SLC39A11: variants seen among roughly 807,000 people sequenced by gnomAD.
SLC39A11 encodes the protein solute carrier family 39 member 11, also known as zinc transporter ZIP11.
A neutral mutation model predicts 36.1 loss-of-function variants in SLC39A11; 33 were observed. The ratio of observed to expected loss-of-function variants is 0.91; its 90% CI spans 0.69 to 1.22. The LOEUF is 1.22. Among genes scored for constraint, SLC39A11 ranks in the 50% most tolerant of loss-of-function variants. SLC39A11 has a pLI of 0.00. For synonymous variants in SLC39A11, 166 were observed against 170.3 expected (o/e 0.97, Z 0.20); for missense variants, 432 against 430.3 (o/e 1.00, Z -0.03).
In SLC39A11 at chr17:72,679,433, C is replaced by T. The variant is rs374630679; in HGVS notation, c.672-30165G>A. ...AAATAAAAGAATAGTGCTTGAATCC[C>T]TGTCCTCTGGCTGCTCAGAGTCTGA... is the stretch of plus-strand genomic sequence containing the variant. On this transcript the variant is annotated intron_variant, in intron 7 of 9. Transcript: ENST00000255559. Among the ~76,000 whole-genome samples, 177 of 152,318 alleles carry T rather than the reference C, an allele frequency of 1.2e-3. 1 individual carries two copies. Among genetic ancestry groups the T allele is most frequent in the African/African-American group, 3.9e-3 (163 of 41,570 alleles).
At chr17:73,090,824 C>G (rs772842227) in intron 1 of SLC39A11, among the ~76,000 whole-genome samples, 1 of 152,098 alleles carries the variant, frequency 6.6e-6, no homozygotes, top group African/African-American at 2.4e-5. Flanking sequence ...ATCTGAGCAC[C>G]CTCCTGAGTA....
chr17:72,829,012 AAC>A (rs2078152682), intron 6 of SLC39A11, among the ~76,000 whole-genome samples: 1 of 152,178 alleles, frequency 6.6e-6, no homozygotes. Context: ...TAGGTTTGGT[AAC>A]ACAGTGCAGA....
intron 6 of SLC39A11, among the ~76,000 whole-genome samples, chr17:72,791,793 C>T (rs558040684): frequency 6.6e-6 from 1 of 152,246 alleles, no homozygotes; most frequent in East Asian, 1.9e-4. Flanking sequence ...GGGCTTTTCG[C>T]CCTTTTGCTC....
rs539284872 is a variant in SLC39A11 at position 72,825,953 on chromosome 17, T to A, written c.601+23681A>T. On this transcript the variant is annotated intron_variant, in intron 6 of 9. Coordinates refer to ENST00000255559, the MANE Select transcript of SLC39A11 (RefSeq NM_139177.4). ...AGATGAGAATTTGTACTGTGGACTTTTGAGTTAAAGCTGGAATGAGTTAAG... is the reference window on the plus strand; with the variant it reads ...AGATGAGAATTTGTACTGTGGACTTATGAGTTAAAGCTGGAATGAGTTAAG... 7.2e-5 allele frequency among the ~76,000 whole-genome samples: 11 copies of A among 152,338 alleles called. 1 individual carries two copies. The South Asian group carries it at 2.3e-3, about 32-fold the overall frequency.
At chr17:72,986,724 G>C (rs1444033509) in intron 4 of SLC39A11, among the ~76,000 whole-genome samples, 1 of 152,174 alleles carries the variant, frequency 6.6e-6, no homozygotes, top group Non-Finnish European at 1.5e-5. Flanking sequence ...CTTGTAGATT[G>C]GATATAAGAC....
chr17:72,864,579 T>C, intron 5 of SLC39A11, among the ~76,000 whole-genome samples: 1 of 152,148 alleles, frequency 6.6e-6, no homozygotes, highest in East Asian at 1.9e-4. Flanking sequence ...ATGGAAAACG[T>C]GTCTTGGGGT....
chr17:72,857,232 G>T (rs1476083028), intron 5 of SLC39A11, among the ~76,000 whole-genome samples: 3 of 152,090 alleles, frequency 2.0e-5, no homozygotes, highest in African/African-American at 7.2e-5. Flanking sequence ...AGAACAACTG[G>T]CATTTGGTTT....
chr17:73,047,990 AATATATATATATATATAT>A (rs151142811), intron 3 of SLC39A11, among the ~76,000 whole-genome samples: 14 of 58,702 alleles, frequency 2.4e-4, no homozygotes, highest in Non-Finnish European at 3.3e-4. Flanking sequence ...AAAAAAAAAA[AATATATATATATATATAT>A]ATATATATAT....
chr17:72,906,516 GGCAACTCCTGAC>G (rs1269941336), intron 5 of SLC39A11, among the ~76,000 whole-genome samples: 5 of 152,198 alleles, frequency 3.3e-5, no homozygotes, highest in African/African-American at 1.2e-4. Flanking sequence ...GGTGGATGCA[GGCAACTCCTGAC>G]CCAGCACCTG....
chr17:73,060,368 C>T (rs545948912), intron 3 of SLC39A11, among the ~76,000 whole-genome samples: 1 of 151,794 alleles, frequency 6.6e-6, no homozygotes, highest in South Asian at 2.1e-4. Context: ...TTGTCTTTAT[C>T]AGGTTTTTGA....
At chr17:72,926,600 T>C (rs1325730579) in intron 5 of SLC39A11, among the ~76,000 whole-genome samples, 1 of 152,138 alleles carries the variant, frequency 6.6e-6, no homozygotes, top group Non-Finnish European at 1.5e-5. Flanking sequence ...AACTTGATTA[T>C]AAACCAGCCC....
chr17:72,768,648 T>G (rs974510656), intron 6 of SLC39A11, among the ~76,000 whole-genome samples: 5 of 152,218 alleles, frequency 3.3e-5, no homozygotes, highest in Non-Finnish European at 7.3e-5. Context: ...CATATGTGAC[T>G]GGCATATGGC....
intron 3 of SLC39A11, among the ~76,000 whole-genome samples, chr17:73,075,073 AG>A (rs1341948355): frequency 6.6e-6 from 1 of 152,238 alleles, no homozygotes; most frequent in Non-Finnish European, 1.5e-5. Flanking sequence ...AAATTCATCC[AG>A]ATGTCTTTTG....
At chr17:72,974,578 T>C (rs1015442962) in intron 4 of SLC39A11, among the ~76,000 whole-genome samples, 7 of 151,976 alleles carry the variant, frequency 4.6e-5, no homozygotes, top group Non-Finnish European at 7.4e-5. Context: ...TACAAAAGAG[T>C]CAAAACGTTT....
intron 6 of SLC39A11, among the ~76,000 whole-genome samples, chr17:72,753,164 T>C (rs1279144511): frequency 2.0e-5 from 3 of 152,188 alleles, no homozygotes; most frequent in Non-Finnish European, 4.4e-5. Context: ...TTTCAGAGTT[T>C]TGAGATTCAT....
chr17:72,729,160 T>C (rs571352220), intron 7 of SLC39A11, among the ~76,000 whole-genome samples: 42 of 151,944 alleles, frequency 2.8e-4, no homozygotes, highest in Non-Finnish European at 5.0e-4. Flanking sequence ...CTTGCCTGCA[T>C]CGGAACCCAC....
At chr17:72,983,544 C>A (rs12453311) in intron 4 of SLC39A11, among the ~76,000 whole-genome samples, 78,145 of 151,966 alleles carry the variant, frequency 0.51, 20,988 homozygotes, top group Middle Eastern at 0.69. Context: ...TGAAATCAGG[C>A]TATGGAACAG....
chr17:72,895,963 G>A (rs1450549573), intron 5 of SLC39A11, among the ~76,000 whole-genome samples: 1 of 151,834 alleles, frequency 6.6e-6, no homozygotes, highest in African/African-American at 2.4e-5. Context: ...ATAATCCCAA[G>A]GCCCTATTAA....
intron 5 of SLC39A11, among the ~76,000 whole-genome samples, chr17:72,850,954 C>T (rs1411517455): frequency 3.9e-5 from 6 of 152,200 alleles, no homozygotes; most frequent in Non-Finnish European, 1.5e-5. Flanking sequence ...GGAGAATTGG[C>T]CACTCCAACG....
Sources: allele counts gnomAD v4.1 joint callset (sites outside exome capture counted in the v4.1 genomes callset), GRCh38; gene constraint gnomAD v4.1.1; transcripts MANE v1.5; gene names NCBI Gene and HGNC (gene_info 2026-07-23, HGNC 2026-07-21).